Variants in DENND1A observed in about 807,000 individuals in gnomAD.
DENND1A encodes the protein DENN domain-containing protein 1A.
A neutral mutation model predicts 113.7 loss-of-function variants in DENND1A; 51 were observed. The ratio of observed to expected loss-of-function variants is 0.45; its 90% CI spans 0.36 to 0.57. The LOEUF is 0.57. Among genes scored for constraint, DENND1A ranks in the 20% least tolerant of loss-of-function variants. DENND1A has a pLI of 0.00. For missense variants in DENND1A, 1,258 were observed against 1,395.9 expected, an observed-to-expected ratio of 0.90 and a Z score of 1.57; for synonymous variants, 565 against 570.8, an observed-to-expected ratio of 0.99 and a Z score of 0.14.
At chr9:123,743,693 T>C (rs1189745562) in intron 5 of DENND1A, among the ~76,000 whole-genome samples, 1 of 151,310 alleles carries the variant, frequency 6.6e-6, no homozygotes, top group South Asian at 2.1e-4. Context: ...GACCACGCAA[T>C]TGCACTTCAA....
intron 13 of DENND1A, among the ~76,000 whole-genome samples, chr9:123,479,646 G>A (rs191346796): frequency 3.9e-5 from 6 of 152,238 alleles, no homozygotes; most frequent in Non-Finnish European, 8.8e-5. Flanking sequence ...GGAAAGAGAA[G>A]TGGCCCCAAG....
intron 11 of DENND1A, among the ~76,000 whole-genome samples, chr9:123,590,833 A>ACT (rs2059422723): frequency 6.6e-6 from 1 of 152,080 alleles, no homozygotes; most frequent in African/African-American, 2.4e-5. Context: ...ACATATTAGC[A>ACT]CTCTCTCCAG....
intron 2 of DENND1A, among the ~76,000 whole-genome samples, chr9:123,874,981 C>G (rs1288398670): frequency 2.6e-5 from 4 of 152,164 alleles, no homozygotes; most frequent in Non-Finnish European, 5.9e-5. Flanking sequence ...AAACTGCGAA[C>G]AACTTCAAAG....
chr9:123,607,584 A>T (rs1362176425), intron 11 of DENND1A, among the ~76,000 whole-genome samples: 1 of 134,816 alleles, frequency 7.4e-6, no homozygotes, highest in East Asian at 2.6e-4. Flanking sequence ...GTGTGTGCAG[A>T]CAATAAATTG....
Position 123,630,479 on chromosome 9 carries a change from G to A in DENND1A, c.619-3C>T, listed in dbSNP as rs755621731. The A allele has an allele frequency of 1.9e-6, 3 of 1,570,550 alleles. No individual in the cohort carries two copies. The highest frequency in any genetic ancestry group is 1.9e-5 in the Admixed American group (1 of 53,048). On this transcript the variant is annotated splice_polypyrimidine_tract_variant and splice_region_variant and intron_variant, in intron 9 of 23. Coordinates refer to ENST00000394215, the MANE Select transcript of DENND1A (RefSeq NM_001352964.2). ...GACCCGTGGATGCAGGCAGTCAGCT[G>A]GAACAGAGCAAAGCAGAGATCAATG...
At chr9:123,745,450 G>T (rs991488862) in intron 5 of DENND1A, among the ~76,000 whole-genome samples, 2 of 152,220 alleles carry the variant, frequency 1.3e-5, no homozygotes, top group Non-Finnish European at 2.9e-5. Context: ...GCAGCAGTGT[G>T]GTGCATGGAA....
intron 9 of DENND1A, among the ~76,000 whole-genome samples, chr9:123,630,931 G>T (rs1414685051): frequency 6.6e-6 from 1 of 152,084 alleles, no homozygotes; most frequent in Non-Finnish European, 1.5e-5. Flanking sequence ...CACAAATCCA[G>T]AATATTCTTT....
At chr9:123,692,056 C>A (rs2065225856) in intron 5 of DENND1A, among the ~76,000 whole-genome samples, 1 of 152,168 alleles carries the variant, frequency 6.6e-6, no homozygotes, top group Non-Finnish European at 1.5e-5. Context: ...GTGCGGTCCT[C>A]CCATTGACAA....
intron 5 of DENND1A, chr9:123,751,831 G>T (rs886443093): frequency 1.3e-5 from 2 of 152,250 alleles, no homozygotes; most frequent in Non-Finnish European, 2.9e-5. Context: ...GCAAGACTCA[G>T]TTTAACTGGA....
chr9:123,552,740 C>T (rs2057173886), intron 13 of DENND1A, among the ~76,000 whole-genome samples: 1 of 152,266 alleles, frequency 6.6e-6, no homozygotes, highest in Admixed American at 6.5e-5. Context: ...CCTGCCCTGG[C>T]ACCCGCCTCA....
intron 2 of DENND1A, among the ~76,000 whole-genome samples, chr9:123,847,707 G>A (rs1009107424): frequency 9.2e-5 from 14 of 152,226 alleles, no homozygotes; most frequent in African/African-American, 3.1e-4. Flanking sequence ...GGCCAAGGCG[G>A]CCAGATCACT....
In DENND1A at chr9:123,557,570, C is replaced by T. The variant is rs373154751; in HGVS notation, c.993G>A (p.Pro331=). ...GSYRNALKIE[P]EEPITFCEEA... is the part of the protein sequence containing the mutation. The stretch of plus-strand genomic sequence containing the variant: ...TCTGTGACATGCCAAGGCTACTCAC[C>T]GGCTCGATTTTCAGAGCGTTTCGGT... Residue 331 remains proline (P), a splice_region_variant and synonymous_variant, in exon 13 of 24, where the codon CCG becomes CCA. Transcript: ENST00000394215. 8.1e-6 allele frequency: 13 copies of T among 1,613,444 alleles called. No homozygotes were observed. The highest frequency in any genetic ancestry group is 2.7e-5 in the African/African-American group (2 of 74,918).
intron 22 of DENND1A, 58 bp from the exon 23 acceptor site, chr9:123,383,971 C>A: frequency 6.4e-7 from 1 of 1,564,542 alleles, no homozygotes; most frequent in Non-Finnish European, 8.6e-7. Flanking sequence ...GAGGAGCAAG[C>A]GGACTCCAGC....
chr9:123,458,013 T>TA, intron 13 of DENND1A, 116 bp from the exon 14 acceptor site: 1 of 792,044 alleles, frequency 1.3e-6, no homozygotes, highest in South Asian at 1.9e-5. Context: ...CCTTTTTTTT[T>TA]TTTTTGAGAT....
rs186542210 is a variant in DENND1A, at chr9:123,476,557, C to T, written c.994-18660G>A. Among the ~76,000 whole-genome samples the T allele has an allele frequency of 2.6e-5, 4 of 152,254 alleles. No individual in the cohort carries two copies. The East Asian group carries it at 7.7e-4, about 29-fold the overall frequency. The stretch of plus-strand genomic sequence containing the variant: ...CTACAGCCAGCAGCACATAGAGATT[C>T]CCCTAGGAGGTTCTTTTCAATGCCC... On this transcript the variant is annotated intron_variant, in intron 13 of 23. Transcript: ENST00000394215.
chr9:123,690,080 GGAAA>G (rs2065078950), intron 5 of DENND1A, among the ~76,000 whole-genome samples: 1 of 95,376 alleles, frequency 1.0e-5, no homozygotes, highest in African/African-American at 4.0e-5. Context: ...GAGGGAAGAA[GGAAA>G]GGAGGGAGGG....
intron 5 of DENND1A, among the ~76,000 whole-genome samples, chr9:123,732,610 T>C (rs200685353): frequency 2.0e-5 from 3 of 152,286 alleles, no homozygotes; most frequent in South Asian, 2.1e-4. Context: ...GTGGCAGATA[T>C]ATGACTACAT....
At chr9:123,834,729 C>T (rs972383575) in intron 2 of DENND1A, among the ~76,000 whole-genome samples, 4 of 152,106 alleles carry the variant, frequency 2.6e-5, no homozygotes, top group African/African-American at 7.2e-5. Context: ...GCCAAAGCAC[C>T]GCATATAGTA....
Position 123,383,854 on chromosome 9 carries a change from C to A in DENND1A, c.1820G>T (p.Ser607Ile), listed in dbSNP as rs1300402675. The A allele has an allele frequency of 6.2e-7, 1 of 1,613,580 alleles. No individual in the cohort carries two copies. Among genetic ancestry groups the A allele is most frequent in the African/African-American group, 1.3e-5 (1 of 74,952 alleles). The stretch of plus-strand genomic sequence containing the variant: ...GGACTTCCGCACTTGCTGCTCTGGA[C>A]TCTCTGCCTCGTCGCCTTCCGCGCT... ...SDSAEGDEAE[S>I]PEQQVRKSTG... Residue 607 changes from serine to isoleucine, a missense_variant, in exon 23 of 24, where the codon AGT becomes ATT. This residue lies in a region of DENND1A where 1,159 missense variants were observed against 1,231.7 expected (regional missense o/e 0.94). Coordinates refer to ENST00000394215, the MANE Select transcript of DENND1A (RefSeq NM_001352964.2).
Sources: allele counts gnomAD v4.1 joint callset (sites outside exome capture counted in the v4.1 genomes callset), GRCh38; gene constraint gnomAD v4.1.1; regional missense constraint gnomAD v4.1.1; transcripts MANE v1.5; gene names NCBI Gene and HGNC (gene_info 2026-07-23, HGNC 2026-07-21).